PLXNA2: variants seen among roughly 807,000 people sequenced by gnomAD.
PLXNA2 encodes the protein plexin A2, also known as plexin-A2.
A neutral mutation model predicts 193.5 loss-of-function variants in PLXNA2; 91 were observed. That is an observed-to-expected ratio of 0.47 (90% CI 0.40 to 0.56). PLXNA2 has a LOEUF of 0.56. PLXNA2 is among the 20% of genes least tolerant of loss of function. PLXNA2 has a pLI of 0.00. For synonymous variants in PLXNA2, 997 were observed against 1,027.3 expected, an observed-to-expected ratio of 0.97 and a Z score of 0.56; for missense variants, 1,995 against 2,503.2, an observed-to-expected ratio of 0.80 and a Z score of 4.33.
In PLXNA2 at chr1:208,054,701, C is replaced by T. The variant is rs372110613; in HGVS notation, c.2739-163G>A. On this transcript the variant is annotated intron_variant, in intron 13 of 31. Transcript: ENST00000367033. ...TTGCTGTGTGACCTTGGGTACAGTG[C>T]TTTCCCTCTCTGGGCTTTGGTCTCA... is the stretch of plus-strand genomic sequence containing the variant. Among the ~76,000 whole-genome samples, 39 of 152,352 alleles carry T rather than the reference C, an allele frequency of 2.6e-4. 4 individuals are homozygous for T. The highest frequency in any genetic ancestry group is 8.9e-4 in the African/African-American group (37 of 41,596).
At chr1:208,178,993 A>C (rs531101513) in intron 3 of PLXNA2, among the ~76,000 whole-genome samples, 2 of 152,316 alleles carry the variant, frequency 1.3e-5, no homozygotes, top group South Asian at 4.1e-4. Flanking sequence ...ATGTGCTACC[A>C]CACAAAGGGG....
chr1:208,126,718 A>C (rs1302583157), intron 4 of PLXNA2, among the ~76,000 whole-genome samples: 3 of 152,130 alleles, frequency 2.0e-5, no homozygotes, highest in Non-Finnish European at 2.9e-5. Context: ...CCACCATGCC[A>C]TCCTGCCTCC....
At chr1:208,042,953 C>A in intron 21 of PLXNA2, 108 bp downstream of exon 21, 2 of 1,148,194 alleles carry the variant, frequency 1.7e-6, no homozygotes, top group Non-Finnish European at 2.5e-6. Context: ...CTACTGACCC[C>A]TCTTCCCTGC....
Position 208,075,668 on chromosome 1 carries a change from T to G in PLXNA2, c.2586+3592A>C, listed in dbSNP as rs149708781. 2.6e-4 allele frequency among the ~76,000 whole-genome samples: 39 copies of G among 152,364 alleles called. No individual in the cohort carries two copies. The East Asian group carries it at 7.3e-3, about 29-fold the overall frequency. On this transcript the variant is annotated intron_variant, in intron 12 of 31. Transcript: ENST00000367033. ...CCTGAAACAATTATTACTTGTGTAC[T>G]GTGCCAAATGGTGATTTCTATTTCC...
chr1:208,118,138 G>A (rs1039337573), intron 4 of PLXNA2, among the ~76,000 whole-genome samples: 5 of 152,224 alleles, frequency 3.3e-5, no homozygotes, highest in Admixed American at 3.3e-4. Flanking sequence ...ATATTGTCAT[G>A]AGGTTCACAA....
At chr1:208,164,254 C>CT (rs1259708711) in intron 3 of PLXNA2, among the ~76,000 whole-genome samples, 1 of 152,208 alleles carries the variant, frequency 6.6e-6, no homozygotes, top group African/African-American at 2.4e-5. Context: ...ACCTCTGCCT[C>CT]TTTTTTGTTC....
At chr1:208,221,559 T>C (rs1405208211) in intron 1 of PLXNA2, among the ~76,000 whole-genome samples, 3 of 152,078 alleles carry the variant, frequency 2.0e-5, no homozygotes, top group Admixed American at 6.5e-5. Context: ...GCAGCTGTCA[T>C]TGGACACTGG....
intron 3 of PLXNA2, among the ~76,000 whole-genome samples, chr1:208,167,301 C>G (rs945992579): frequency 4.6e-5 from 7 of 152,156 alleles, no homozygotes; most frequent in Non-Finnish European, 1.0e-4. Context: ...CCCACACCCC[C>G]CTCACAGCAA....
intron 3 of PLXNA2, among the ~76,000 whole-genome samples, chr1:208,163,292 G>C (rs1310790642): frequency 1.3e-5 from 2 of 152,170 alleles, no homozygotes; most frequent in African/African-American, 4.8e-5. Context: ...GCCATTAAAT[G>C]ATATAAAAAA....
chr1:208,065,143 G>A (rs1201984002), intron 12 of PLXNA2, among the ~76,000 whole-genome samples: 1 of 152,218 alleles, frequency 6.6e-6, no homozygotes, highest in Non-Finnish European at 1.5e-5. Context: ...AGGTGAGGAT[G>A]AGAGGCTGCG....
intron 13 of PLXNA2, among the ~76,000 whole-genome samples, chr1:208,055,672 G>T (rs566145349): frequency 6.6e-6 from 1 of 152,140 alleles, no homozygotes; most frequent in African/African-American, 2.4e-5. Context: ...GGGAAGATCC[G>T]TGTTTAACCG....
chr1:208,164,838 G>A (rs572191830), intron 3 of PLXNA2, among the ~76,000 whole-genome samples: 8 of 152,312 alleles, frequency 5.3e-5, no homozygotes, highest in Non-Finnish European at 1.2e-4. Context: ...CGGCACTAAC[G>A]GATTCTCTTA....
intron 3 of PLXNA2, among the ~76,000 whole-genome samples, chr1:208,162,360 G>T (rs1379285539): frequency 6.6e-6 from 1 of 152,214 alleles, no homozygotes; most frequent in East Asian, 1.9e-4. Flanking sequence ...CTAGACCTGG[G>T]TATTACATTC....
intron 3 of PLXNA2, among the ~76,000 whole-genome samples, chr1:208,199,689 C>CA (rs11286790): frequency 1.3e-4 from 18 of 140,748 alleles, no homozygotes; most frequent in East Asian, 4.1e-4. Flanking sequence ...GACTCTGTCT[C>CA]AAAAAAAAAA....
intron 4 of PLXNA2, among the ~76,000 whole-genome samples, chr1:208,130,519 C>T (rs915526203): frequency 2.0e-5 from 3 of 152,194 alleles, no homozygotes; most frequent in African/African-American, 4.8e-5. Flanking sequence ...AGCCTCCGAG[C>T]GCTGTGCACA....
At chr1:208,213,392 C>T (rs147599526) in intron 2 of PLXNA2, among the ~76,000 whole-genome samples, 108 of 152,274 alleles carry the variant, frequency 7.1e-4, no homozygotes, top group African/African-American at 2.5e-3. Flanking sequence ...TTCAAATCCC[C>T]GCTTTATCAC....
chr1:208,122,964 T>C (rs912719778), intron 4 of PLXNA2, among the ~76,000 whole-genome samples: 4 of 152,158 alleles, frequency 2.6e-5, no homozygotes, highest in African/African-American at 9.7e-5. Flanking sequence ...ATTGCGCAAT[T>C]CAATGGTGTT....
intron 22 of PLXNA2, among the ~76,000 whole-genome samples, chr1:208,040,987 A>T (rs371058149): frequency 1.2e-4 from 18 of 152,358 alleles, no homozygotes; most frequent in African/African-American, 4.3e-4. Flanking sequence ...CTCTGGTTGC[A>T]GTAAATCCCA....
intron 28 of PLXNA2, chr1:208,031,983 C>A: frequency 1.0e-6 from 1 of 985,202 alleles, no homozygotes; most frequent in Non-Finnish European, 1.2e-6. Context: ...CTCCAACCTG[C>A]AGCCACATTC....
Sources: gnomAD v4.1 joint callset for allele counts (sites outside exome capture counted in the v4.1 genomes callset) on GRCh38, gnomAD v4.1.1 for gene constraint, MANE v1.5 for transcripts, NCBI Gene and HGNC (gene_info 2026-07-23, HGNC 2026-07-21) for gene names.